Variants in DPP10 observed in about 807,000 individuals in gnomAD.
DPP10 encodes the protein dipeptidyl peptidase like 10, also known as inactive dipeptidyl peptidase 10.
A neutral mutation model predicts 120.9 loss-of-function variants in DPP10; 33 were observed. That is an observed-to-expected ratio of 0.27 (90% CI 0.21 to 0.37). The LOEUF is 0.37. Among genes scored for constraint, DPP10 ranks in the 10% least tolerant of loss-of-function variants. DPP10 has a pLI of 1.00. For missense variants in DPP10, 816 were observed against 942.8 expected (o/e 0.87, Z 1.76); for synonymous variants, 337 against 326.1 (o/e 1.03, Z -0.36).
intron 9 of DPP10, among the ~76,000 whole-genome samples, chr2:115,745,379 A>T (rs774856377): frequency 1.3e-5 from 2 of 150,440 alleles, no homozygotes; most frequent in Non-Finnish European, 2.9e-5. Context: ...TATGCCTGCT[A>T]GTTATTATTT....
intron 3 of DPP10, among the ~76,000 whole-genome samples, chr2:115,472,354 A>C (rs1350324369): frequency 6.6e-6 from 1 of 152,344 alleles, no homozygotes; most frequent in African/African-American, 2.4e-5. Context: ...TGAACTAAAA[A>C]TGCTATGCAA....
At chr2:114,984,926 T>A (rs1199588817) in intron 1 of DPP10, among the ~76,000 whole-genome samples, 1 of 152,188 alleles carries the variant, frequency 6.6e-6, no homozygotes, top group Non-Finnish European at 1.5e-5. Context: ...ACACTTGCCC[T>A]CTCCTAGGTT....
chr2:115,769,037 A>G (rs1681141511), intron 13 of DPP10, among the ~76,000 whole-genome samples: 1 of 152,054 alleles, frequency 6.6e-6, no homozygotes, highest in Non-Finnish European at 1.5e-5. Context: ...TTTATTATAA[A>G]AAAATTAGTA....
intron 5 of DPP10, among the ~76,000 whole-genome samples, chr2:115,583,412 C>T (rs1023474809): frequency 6.6e-5 from 10 of 152,158 alleles, no homozygotes; most frequent in Admixed American, 5.2e-4. Context: ...CAGTTGCAAA[C>T]GTGCTGGTCT....
At chr2:115,535,143 T>C (rs2078733323) in intron 5 of DPP10, among the ~76,000 whole-genome samples, 1 of 152,066 alleles carries the variant, frequency 6.6e-6, no homozygotes, top group African/African-American at 2.4e-5. Context: ...AATTTTGCCT[T>C]TTGTTGCCAT....
intron 1 of DPP10, among the ~76,000 whole-genome samples, chr2:115,107,007 G>C (rs1173755704): frequency 6.6e-6 from 1 of 151,412 alleles, no homozygotes; most frequent in Non-Finnish European, 1.5e-5. Flanking sequence ...CCCGGGAGGC[G>C]GAGCTTGCAG....
intron 1 of DPP10, among the ~76,000 whole-genome samples, chr2:114,483,066 C>T (rs989663743): frequency 1.5e-4 from 23 of 152,152 alleles, no homozygotes; most frequent in Non-Finnish European, 2.9e-4. Context: ...TCTCAAGTAG[C>T]TGTTTAGTAA....
intron 8 of DPP10, among the ~76,000 whole-genome samples, chr2:115,736,132 T>C (rs982966843): frequency 6.6e-6 from 1 of 152,142 alleles, no homozygotes; most frequent in African/African-American, 2.4e-5. Flanking sequence ...CCCTCGTCCT[T>C]TAGGCAATGG....
chr2:114,684,425 A>G (rs998140383), intron 1 of DPP10, among the ~76,000 whole-genome samples: 15 of 152,020 alleles, frequency 9.9e-5, no homozygotes, highest in African/African-American at 3.6e-4. Flanking sequence ...AGGGAGAGAC[A>G]AAAGGGGAAA....
At chr2:115,647,781 A>T (rs2087396940) in intron 5 of DPP10, among the ~76,000 whole-genome samples, 1 of 152,122 alleles carries the variant, frequency 6.6e-6, no homozygotes, top group Admixed American at 6.6e-5. Flanking sequence ...AGCCTCCCTA[A>T]CACTGAGTGA....
intron 3 of DPP10, among the ~76,000 whole-genome samples, chr2:115,402,286 T>C (rs2068127146): frequency 6.6e-6 from 1 of 152,050 alleles, no homozygotes; most frequent in South Asian, 2.1e-4. Flanking sequence ...CATTCCTATT[T>C]TGTCCCACAG....
intron 1 of DPP10, among the ~76,000 whole-genome samples, chr2:114,657,362 T>G (rs1433732071): frequency 6.6e-6 from 1 of 152,200 alleles, no homozygotes; most frequent in African/African-American, 2.4e-5. Context: ...AAAATGATTT[T>G]CAGTGTACCC....
At chr2:114,694,176 G>T (rs1033750762) in intron 1 of DPP10, among the ~76,000 whole-genome samples, 18 of 151,684 alleles carry the variant, frequency 1.2e-4, no homozygotes, top group Non-Finnish European at 1.8e-4. Context: ...TTTAGAATGA[G>T]AATAATAAAA....
chr2:115,124,478 C>A (rs1042733057), intron 1 of DPP10, among the ~76,000 whole-genome samples: 10 of 152,144 alleles, frequency 6.6e-5, no homozygotes, highest in Admixed American at 5.9e-4. Flanking sequence ...CCCTGCATGG[C>A]AGCTCTCTTA....
intron 21 of DPP10, among the ~76,000 whole-genome samples, chr2:115,834,261 T>A (rs1689219545): frequency 6.6e-6 from 1 of 152,170 alleles, no homozygotes. Flanking sequence ...ATTCTTTATT[T>A]CTTACTTCAA....
At chr2:114,840,771 G>A (rs1026549427) in intron 1 of DPP10, among the ~76,000 whole-genome samples, 4 of 152,138 alleles carry the variant, frequency 2.6e-5, no homozygotes, top group African/African-American at 9.7e-5. Context: ...CCACATAAGA[G>A]AGATACGTAT....
At chr2:114,981,564 A>G (rs949267474) in intron 1 of DPP10, among the ~76,000 whole-genome samples, 1 of 152,020 alleles carries the variant, frequency 6.6e-6, no homozygotes, top group Non-Finnish European at 1.5e-5. Context: ...TGGCTAAGTG[A>G]GACCCCTTTC....
intron 5 of DPP10, among the ~76,000 whole-genome samples, chr2:115,572,498 C>T (rs1224202217): frequency 2.0e-5 from 3 of 152,066 alleles, no homozygotes; most frequent in Non-Finnish European, 4.4e-5. Context: ...CATATGTAAA[C>T]ACAGATATGC....
At chr2:115,438,717 T>G (rs1214612598) in intron 3 of DPP10, among the ~76,000 whole-genome samples, 1 of 150,226 alleles carries the variant, frequency 6.7e-6, no homozygotes, top group Non-Finnish European at 1.5e-5. Context: ...CAATGTAGAA[T>G]AGTGGCTAAG....
Sources: gnomAD v4.1 joint callset for allele counts (sites outside exome capture counted in the v4.1 genomes callset) on GRCh38, gnomAD v4.1.1 for gene constraint, MANE v1.5 for transcripts, NCBI Gene and HGNC (gene_info 2026-07-23, HGNC 2026-07-21) for gene names.